The following CAMK2A variants were observed in gnomAD, a reference collection of about 807,000 sequenced individuals.
The protein encoded by CAMK2A is calcium/calmodulin dependent protein kinase II alpha, also known as calcium/calmodulin-dependent protein kinase type II subunit alpha.
Under a neutral mutation model 79.2 loss-of-function variants are expected in CAMK2A, and 7 were observed. The observed-to-expected ratio is 0.09, with a 90% CI of 0.05 to 0.17. CAMK2A has a LOEUF of 0.17. CAMK2A is among the 10% of genes least tolerant of loss of function. CAMK2A has a pLI of 1.00. For missense variants in CAMK2A, 214 were observed against 646.4 expected (o/e 0.33, Z 7.25); for synonymous variants, 242 against 251.7 (o/e 0.96, Z 0.36).
At chr5:150,251,526 C>T (rs1236503308) in intron 9 of CAMK2A, among the ~76,000 whole-genome samples, 2 of 152,170 alleles carry the variant, frequency 1.3e-5, no homozygotes, top group East Asian at 3.8e-4. Context: ...GCTTGGGAGG[C>T]GCCTCTCCCC....
At position 150,265,045 on chromosome 5, in the gene CAMK2A, G is replaced by A. The variant is rs149917370; in HGVS notation, c.158-30C>T. 523 of 1,542,370 alleles carry A rather than the reference G, an allele frequency of 3.4e-4. 3 individuals carry two copies. In the African/African-American group the frequency reaches 5.1e-3, roughly 15 times the overall value. On this transcript the variant is annotated intron_variant, in intron 2 of 18. Coordinates refer to ENST00000671881, the MANE Select transcript of CAMK2A (RefSeq NM_015981.4). ...AACACAGAGGCTCATGTGAGTCCCCGGTGAGGAAGGAACCATTACCCTCCA... is the reference window on the plus strand; with the variant it reads ...AACACAGAGGCTCATGTGAGTCCCCAGTGAGGAAGGAACCATTACCCTCCA...
intron 10 of CAMK2A, 62 bp from the exon 11 acceptor site, chr5:150,250,371 G>A: frequency 1.4e-6 from 2 of 1,393,500 alleles, no homozygotes; most frequent in Non-Finnish European, 1.0e-6. Flanking sequence ...GCCCACCCAA[G>A]GGTACCCTTC....
chr5:150,230,317 CAAAAAAAAAAAA>C (rs1216883745), intron 16 of CAMK2A, among the ~76,000 whole-genome samples: 1 of 60,608 alleles, frequency 1.6e-5, no homozygotes, highest in African/African-American at 6.7e-5. Flanking sequence ...GACTCCGTCT[CAAAAAAAAAAAA>C]AAAAAAAAAA....
At chr5:150,241,949 C>T (rs573580912) in intron 13 of CAMK2A, among the ~76,000 whole-genome samples, 7 of 152,170 alleles carry the variant, frequency 4.6e-5, no homozygotes, top group Non-Finnish European at 7.3e-5. Flanking sequence ...CGAGGAGCCG[C>T]GCAGGGGCCA....
intron 1 of CAMK2A, among the ~76,000 whole-genome samples, chr5:150,285,295 TC>T (rs907508546): frequency 2.6e-5 from 4 of 152,112 alleles, no homozygotes; most frequent in African/African-American, 9.7e-5. Context: ...CCTGCCCAGC[TC>T]CTTCAGAGAT....
intron 6 of CAMK2A, among the ~76,000 whole-genome samples, chr5:150,254,525 T>A (rs1054928059): frequency 1.3e-5 from 2 of 152,200 alleles, no homozygotes; most frequent in African/African-American, 4.8e-5. Flanking sequence ...GGCTTATACA[T>A]GGGGCCAGCA....
chr5:150,234,214 T>C (rs1250856436), intron 15 of CAMK2A, among the ~76,000 whole-genome samples: 1 of 152,160 alleles, frequency 6.6e-6, no homozygotes, highest in African/African-American at 2.4e-5. Context: ...CCTTGCCTTC[T>C]CTGCATGGAC....
At chr5:150,281,363 C>T (rs1247622027) in intron 1 of CAMK2A, among the ~76,000 whole-genome samples, 2 of 152,208 alleles carry the variant, frequency 1.3e-5, no homozygotes, top group African/African-American at 4.8e-5. Context: ...TTTGATCACC[C>T]AGGACGTGGA....
In CAMK2A at chr5:150,250,308, T is replaced by A; in HGVS notation, c.818A>T (p.His273Leu). 1 of 1,613,496 alleles carries A rather than the reference T, an allele frequency of 6.2e-7. No homozygotes were observed. The highest frequency in any genetic ancestry group is 8.5e-7 in the Non-Finnish European group (1 of 1,179,758). Residue 273 changes from histidine (H) to leucine (L), a missense_variant and splice_region_variant, in exon 11 of 19, where the codon CAC (histidine) becomes CTC (leucine). By Grantham distance (99) the His-to-Leu change is moderately conservative. Around this residue, in one of 4 missense-constraint regions of CAMK2A, gnomAD observed 18 missense variants for 34.9 expected, o/e 0.52. Transcript: ENST00000671881. ...AEALKHPWIS[H>L]RSTVASCMHR... is the part of the protein sequence containing the mutation. ...CATGCAGGATGCCACGGTGGAGCGG[T>A]GCTGGAGGAAGTAGGGGAGAGGGCT...
chr5:150,286,124 C>A (rs1757416202), intron 1 of CAMK2A, among the ~76,000 whole-genome samples: 1 of 152,300 alleles, frequency 6.6e-6, no homozygotes. Context: ...AGCTTCGGTG[C>A]CGCTAGGATC....
chr5:150,248,401 A>ATG, intron 11 of CAMK2A, among the ~76,000 whole-genome samples: 1 of 151,008 alleles, frequency 6.6e-6, no homozygotes, highest in South Asian at 2.1e-4. Context: ...TTTGTTACAT[A>ATG]TGTATACATG....
intron 1 of CAMK2A, among the ~76,000 whole-genome samples, chr5:150,277,717 G>A (rs1366643045): frequency 6.6e-6 from 1 of 152,236 alleles, no homozygotes; most frequent in Non-Finnish European, 1.5e-5. Context: ...GATGCTCAGA[G>A]AGAGGAGTTT....
chr5:150,229,501 TCA>T (rs960570645), intron 16 of CAMK2A, among the ~76,000 whole-genome samples: 2 of 152,144 alleles, frequency 1.3e-5, no homozygotes, highest in African/African-American at 4.8e-5. Flanking sequence ...AAACTGAGGC[TCA>T]GAGAGATGAA....
intron 16 of CAMK2A, among the ~76,000 whole-genome samples, chr5:150,230,322 A>G: frequency 7.9e-6 from 1 of 126,960 alleles, no homozygotes; most frequent in South Asian, 2.7e-4. Flanking sequence ...CGTCTCAAAA[A>G]AAAAAAAAAA....
chr5:150,236,155 G>A (rs891527611), intron 15 of CAMK2A, among the ~76,000 whole-genome samples: 5 of 152,116 alleles, frequency 3.3e-5, no homozygotes, highest in East Asian at 3.9e-4. Flanking sequence ...GGATAATGAC[G>A]GCAAATGTGA....
intron 7 of CAMK2A, among the ~76,000 whole-genome samples, chr5:150,253,215 A>T (rs1418734042): frequency 1.3e-5 from 2 of 152,172 alleles, no homozygotes; most frequent in African/African-American, 4.8e-5. Context: ...AGGGGGCCCC[A>T]GGGAGCCCTG....
intron 11 of CAMK2A, among the ~76,000 whole-genome samples, chr5:150,248,481 C>CT (rs1271833132): frequency 1.8e-5 from 2 of 111,418 alleles, no homozygotes; most frequent in Non-Finnish European, 3.5e-5. Context: ...GCTATCCCTC[C>CT]CCCCTCCCCC....
In CAMK2A at chr5:150,222,495, G is replaced by T. The variant is rs546627283; in HGVS notation, c.*215C>A. On this transcript the variant is annotated 3_prime_UTR_variant, in exon 19 of 19. Transcript: ENST00000671881. Reference sequence around the variant, plus strand: ...GCCCCAGCCTGGCAGGGGAGAGGGTGGGGGTGAGAGGTGGGGAGATGTGGC... The same window carrying T: ...GCCCCAGCCTGGCAGGGGAGAGGGTTGGGGTGAGAGGTGGGGAGATGTGGC... 35 of 706,088 alleles carry T rather than the reference G, an allele frequency of 5.0e-5. No individual in the cohort carries two copies. In the East Asian group the frequency reaches 8.8e-4, roughly 18 times the overall value. The allele number at this position is 706,088 out of a possible 1,614,324, so 43.7% of individuals were successfully genotyped here.
In CAMK2A at chr5:150,222,717, T is replaced by C. The variant is rs55976097; in HGVS notation, c.1467-4A>G. The C allele has an allele frequency of 0.35, 560,247 of 1,612,872 alleles. 99,248 individuals are homozygous for C. The highest frequency in any genetic ancestry group is 0.45 in the Admixed American group (26,704 of 59,980). ...CGACCCCAGCCTGGTCCCTCAGCTG[T>C]AAGACACACACGGGGTGCTTCTCAG... On this transcript the variant is annotated splice_polypyrimidine_tract_variant and splice_region_variant and intron_variant, in intron 18 of 18. Coordinates refer to ENST00000671881, the MANE Select transcript of CAMK2A (RefSeq NM_015981.4).
Sources: allele counts gnomAD v4.1 joint callset (sites outside exome capture counted in the v4.1 genomes callset), GRCh38; gene constraint gnomAD v4.1.1; regional missense constraint gnomAD v4.1.1; transcripts MANE v1.5; gene names NCBI Gene and HGNC (gene_info 2026-07-23, HGNC 2026-07-21).